Variants in DRC1 observed in about 807,000 individuals in gnomAD.
The protein encoded by DRC1 is dynein regulatory complex protein 1.
DRC1 carries 74 observed loss-of-function variants against 98.7 expected under a neutral mutation model. That is an observed-to-expected ratio of 0.75 (90% CI 0.62 to 0.91). DRC1 has a LOEUF of 0.91. Ranked by LOEUF, DRC1 falls within the 40% of genes least tolerant of loss-of-function variation. The probability of loss-of-function intolerance (pLI) is 0.00; values close to 1 mark genes in which losing one functional copy is unlikely to be tolerated. For missense variants in DRC1, 875 were observed against 886.0 expected (o/e 0.99, Z 0.16); for synonymous variants, 336 against 334.1 (o/e 1.01, Z -0.06).
chr2:26,432,109 G>C, intron 7 of DRC1, 103 bp downstream of exon 7: 2 of 1,468,364 alleles, frequency 1.4e-6, no homozygotes, highest in East Asian at 5.0e-5. Context: ...TCTAGAGGTA[G>C]TCCCTTCAGC....
chr2:26,418,725 TTATATTTAATTTATATATAATATAAA>T (rs1678937191), intron 2 of DRC1, among the ~76,000 whole-genome samples: 1 of 107,860 alleles, frequency 9.3e-6, no homozygotes, highest in African/African-American at 3.6e-5. Flanking sequence ...AATATATAAA[TTATATTTAATTTATATATAATATAAA>T]TTATATTTTT....
At chr2:26,455,698 G>A (rs1364981088) in intron 16 of DRC1, among the ~76,000 whole-genome samples, 2 of 152,244 alleles carry the variant, frequency 1.3e-5, no homozygotes, top group Non-Finnish European at 2.9e-5. Flanking sequence ...CACCAGCCCC[G>A]GTTCCCTGCC....
At chr2:26,447,327 C>T (rs1018358915) in intron 10 of DRC1, among the ~76,000 whole-genome samples, 1 of 151,722 alleles carries the variant, frequency 6.6e-6, no homozygotes, top group Non-Finnish European at 1.5e-5. Context: ...GCAGGAGAAT[C>T]ACTTGAACCC....
intron 11 of DRC1, among the ~76,000 whole-genome samples, 170 bp downstream of exon 11, chr2:26,448,973 C>T (rs1171043863): frequency 4.6e-5 from 7 of 152,222 alleles, no homozygotes; most frequent in African/African-American, 9.6e-5. Context: ...ACTTCAGGGC[C>T]GGTTCATAGA....
chr2:26,439,948 T>TATATATATATATATATATATAA, intron 7 of DRC1, among the ~76,000 whole-genome samples: 1 of 124,868 alleles, frequency 8.0e-6, no homozygotes. Context: ...CACACACACA[T>TATATATATATATATATATATAA]ACACACACAC....
chr2:26,441,622 G>C (rs985763464), intron 8 of DRC1, among the ~76,000 whole-genome samples: 2 of 152,186 alleles, frequency 1.3e-5, no homozygotes, highest in Non-Finnish European at 2.9e-5. Flanking sequence ...CAGTTAAGAG[G>C]AGACTCCAGG....
intron 16 of DRC1, among the ~76,000 whole-genome samples, chr2:26,455,647 G>A (rs893105998): frequency 6.6e-5 from 10 of 152,238 alleles, no homozygotes; most frequent in African/African-American, 2.4e-4. Context: ...ATCACAACTT[G>A]CAGAGTTTGC....
In DRC1 at chr2:26,456,622, A is replaced by AT. The variant is rs1664185348; in HGVS notation, c.*109dup. On this transcript the variant is annotated 3_prime_UTR_variant, in exon 17 of 17. Transcript: ENST00000288710. ...GGCCGCACCTGGGCCTGCTCTCTGG[A>AT]TTTTCCAGGGCTGTCTTTATAGCCT... 2.9e-6 allele frequency: 4 copies of AT among 1,373,392 alleles called. No individual in the cohort carries two copies. The highest frequency in any genetic ancestry group is 2.0e-4 in the Middle Eastern group (1 of 4,980). 85.1% of individuals were successfully genotyped at this position (1,373,392 alleles called of 1,614,324 possible). A position where few individuals can be genotyped will look rare whatever the true frequency, so the allele number is the denominator to read the frequency against.
At position 26,440,277 on chromosome 2, in the gene DRC1, A is replaced by G. The variant is rs149216279; in HGVS notation, c.889-101A>G. 1.7e-3 allele frequency: 2,258 copies of G among 1,316,992 alleles called. 33 individuals are homozygous for G. In the African/African-American group the frequency reaches 0.03, roughly 18 times the overall value. 81.6% of individuals were successfully genotyped at this position (1,316,992 alleles called of 1,614,324 possible). Reference sequence around the variant, plus strand: ...CCCCAAAAGACATTTTAAATACTCTAGTGTATATAATACTAAGGATGCAGG... The same window carrying G: ...CCCCAAAAGACATTTTAAATACTCTGGTGTATATAATACTAAGGATGCAGG... On this transcript the variant is annotated intron_variant, in intron 7 of 16. Coordinates refer to ENST00000288710, the MANE Select transcript of DRC1 (RefSeq NM_145038.5).
chr2:26,429,143 C>A (rs1048116913), intron 4 of DRC1, among the ~76,000 whole-genome samples: 1 of 151,716 alleles, frequency 6.6e-6, no homozygotes, highest in African/African-American at 2.4e-5. Flanking sequence ...TTATCTCAGG[C>A]CTTCTAAGAC....
intron 2 of DRC1, among the ~76,000 whole-genome samples, chr2:26,416,898 G>T (rs1390121508): frequency 4.6e-5 from 7 of 152,180 alleles, no homozygotes; most frequent in Non-Finnish European, 1.0e-4. Flanking sequence ...AGTGACTTCT[G>T]CTTCTGAGGA....
In DRC1 at chr2:26,424,332, A is replaced by C. The variant is rs201245045; in HGVS notation, c.418A>C (p.Lys140Gln). 4 of 1,613,966 alleles carry C rather than the reference A, an allele frequency of 2.5e-6. No homozygotes were observed. The Admixed American group carries it at 6.7e-5, about 27-fold the overall frequency. Reference sequence around the variant, plus strand: ...GGACAAATTCGATGAAATCACCTCAAAGTGGGAAGAGGGCAAGCAGAAGAG... The same window carrying C: ...GGACAAATTCGATGAAATCACCTCACAGTGGGAAGAGGGCAAGCAGAAGAG... ...SQDKFDEITS[K>Q]WEEGKQKRIP... Residue 140 changes from lysine to glutamine, a missense_variant, in exon 4 of 17, where the codon AAG becomes CAG. By Grantham distance (53) the Lys-to-Gln change is moderately conservative (BLOSUM62 1). Coordinates refer to ENST00000288710, the MANE Select transcript of DRC1 (RefSeq NM_145038.5).
Position 26,412,993 on chromosome 2 carries a change from A to T in DRC1, c.156-1351A>T, listed in dbSNP as rs540605455. ...GAGACGGGGTTTCACCGTGTTAGCC[A>T]GGGTAGTCTCGATCTCCTGACCTCG... On this transcript the variant is annotated intron_variant, in intron 1 of 16. Transcript: ENST00000288710. 2.8e-3 allele frequency among the ~76,000 whole-genome samples: 425 copies of T among 152,284 alleles called. 4 individuals are homozygous for T. Among genetic ancestry groups the T allele is most frequent in the African/African-American group, 9.8e-3 (406 of 41,566 alleles).
In DRC1 at chr2:26,432,018, G is replaced by T. The variant is rs752856506; in HGVS notation, c.888+12G>T. 6.2e-7 allele frequency: 1 copy of T among 1,612,702 alleles called. No homozygotes were observed. The highest frequency in any genetic ancestry group is 1.3e-5 in the African/African-American group (1 of 74,906). The stretch of plus-strand genomic sequence containing the variant: ...AGCAGGATGTGCAGGTGCAACAGCT[G>T]GTCCTCACTAGGGTGCCTGGGTGGC... On this transcript the variant is annotated intron_variant, in intron 7 of 16. Transcript: ENST00000288710.
At chr2:26,412,497 T>C (rs942899799) in intron 1 of DRC1, among the ~76,000 whole-genome samples, 1 of 152,164 alleles carries the variant, frequency 6.6e-6, no homozygotes, top group Non-Finnish European at 1.5e-5. Context: ...GTCTTGATGA[T>C]GTAAGTGGCG....
intron 2 of DRC1, among the ~76,000 whole-genome samples, chr2:26,416,273 G>A (rs1019566710): frequency 2.0e-5 from 3 of 151,840 alleles, no homozygotes; most frequent in East Asian, 1.9e-4. Flanking sequence ...TTTTTGAGAC[G>A]GAGTCTTGCT....
intron 8 of DRC1, among the ~76,000 whole-genome samples, chr2:26,441,813 A>G (rs569434547): frequency 2.9e-4 from 44 of 152,286 alleles, no homozygotes; most frequent in African/African-American, 1.0e-3. Context: ...TTTCAAACTC[A>G]GACAGCTTTC....
At chr2:26,426,292 C>T (rs1420083330) in intron 4 of DRC1, among the ~76,000 whole-genome samples, 1 of 151,778 alleles carries the variant, frequency 6.6e-6, no homozygotes, top group Non-Finnish European at 1.5e-5. Context: ...TCTCTAGTTC[C>T]CTTGGTCTAT....
At chr2:26,418,609 A>AT (rs1678912487) in intron 2 of DRC1, among the ~76,000 whole-genome samples, 1 of 87,802 alleles carries the variant, frequency 1.1e-5, no homozygotes, top group South Asian at 2.6e-4. Flanking sequence ...TATAATATAT[A>AT]AATTATATAT....
Sources: gnomAD v4.1 joint callset for allele counts (sites outside exome capture counted in the v4.1 genomes callset) on GRCh38, gnomAD v4.1.1 for gene constraint, MANE v1.5 for transcripts, NCBI Gene and HGNC (gene_info 2026-07-23, HGNC 2026-07-21) for gene names.